Variants in MGA observed in about 807,000 individuals in gnomAD.
MGA encodes MAX gene-associated protein.
In MGA, 40 loss-of-function variants were observed where a neutral mutation model predicts 261.1. The observed-to-expected ratio is 0.15, with a 90% CI of 0.12 to 0.20. The LOEUF (loss-of-function observed/expected upper bound fraction) is 0.20, where lower values mean the gene tolerates loss of function less well. Among genes scored for constraint, MGA ranks in the 10% least tolerant of loss-of-function variants. MGA has a pLI of 1.00. For synonymous variants in MGA, 1,302 were observed against 1,290.6 expected (o/e 1.01, Z -0.19); for missense variants, 3,397 against 3,630.5 (o/e 0.94, Z 1.65).
intron 1 of MGA, among the ~76,000 whole-genome samples, chr15:41,647,684 A>G (rs983269693): frequency 6.6e-6 from 1 of 152,036 alleles, no homozygotes; most frequent in Non-Finnish European, 1.5e-5. Flanking sequence ...ATTTTACTCT[A>G]CATTTTTGGG....
chr15:41,623,832 TGG>T (rs1165603004), intron 1 of MGA, among the ~76,000 whole-genome samples: 1 of 150,668 alleles, frequency 6.6e-6, no homozygotes, highest in Non-Finnish European at 1.5e-5. Context: ...TGGAGTGCAG[TGG>T]TGCTCACCAC....
In MGA at chr15:41,652,648, T is replaced by C. The variant is rs147851968; in HGVS notation, c.-67-16180T>C. 4.4e-3 allele frequency among the ~76,000 whole-genome samples: 664 copies of C among 151,886 alleles called. 5 individuals carry two copies. Among genetic ancestry groups the C allele is most frequent in the African/African-American group, 0.015 (621 of 41,444 alleles). On this transcript the variant is annotated intron_variant, in intron 1 of 8. Coordinates refer to the MGA transcript ENST00000566718. The stretch of plus-strand genomic sequence containing the variant: ...TGGCCTACCAAAGTGCTGGGACTTA[T>C]ACCCTTTGTAGGTTTTGTATGTTTC...
intron 5 of MGA, among the ~76,000 whole-genome samples, chr15:41,700,980 A>G (rs961855877): frequency 6.6e-6 from 1 of 152,186 alleles, no homozygotes; most frequent in Non-Finnish European, 1.5e-5. Flanking sequence ...GCTTTAATGG[A>G]AGGCAGCTTG....
At chr15:41,707,287 T>G (rs745992527) in intron 5 of MGA, among the ~76,000 whole-genome samples, 2 of 152,198 alleles carry the variant, frequency 1.3e-5, no homozygotes, top group Non-Finnish European at 1.5e-5. Context: ...AAGGCTACAG[T>G]CAAAATATTG....
intron 13 of MGA, 70 bp downstream of exon 13, chr15:41,736,768 C>A (rs1595914238): frequency 7.0e-7 from 1 of 1,422,928 alleles, no homozygotes; most frequent in South Asian, 1.5e-5. Context: ...TTTTTCAGAG[C>A]CCTTTATGGT....
At chr15:41,633,352 G>GTTTTT (rs1566923971) in intron 1 of MGA, among the ~76,000 whole-genome samples, 2 of 93,988 alleles carry the variant, frequency 2.1e-5, no homozygotes, top group Non-Finnish European at 2.3e-5. Flanking sequence ...CCCTCCTATG[G>GTTTTT]TATTTTTTTT....
At chr15:41,730,802 C>A (rs2061468915) in intron 11 of MGA, among the ~76,000 whole-genome samples, 1 of 152,186 alleles carries the variant, frequency 6.6e-6, no homozygotes, top group African/African-American at 2.4e-5. Context: ...CAAAGTAAAT[C>A]CCTCCTGGTT....
intron 2 of MGA, among the ~76,000 whole-genome samples, chr15:41,678,090 ATTT>A (rs540221309): frequency 2.9e-5 from 4 of 137,634 alleles, no homozygotes; most frequent in Admixed American, 7.3e-5. Flanking sequence ...TCAATTTTGA[ATTT>A]TTTTTTTTTT....
At chr15:41,755,551 G>A (rs2063101490) in intron 18 of MGA, among the ~76,000 whole-genome samples, 1 of 152,158 alleles carries the variant, frequency 6.6e-6, no homozygotes, top group African/African-American at 2.4e-5. Context: ...AAAATGCCGT[G>A]TGAGAACATT....
chr15:41,662,673 T>C (rs997141708), intron 1 of MGA, among the ~76,000 whole-genome samples: 1 of 152,256 alleles, frequency 6.6e-6, no homozygotes. Flanking sequence ...ATTATATTTA[T>C]ATCCACATTC....
chr15:41,669,192 C>G lies in MGA; in HGVS notation c.298C>G (p.Gln100Glu). The G allele has an allele frequency of 6.2e-7, 1 of 1,613,988 alleles. No homozygotes were observed. Among genetic ancestry groups the G allele is most frequent in the Non-Finnish European group, 8.5e-7 (1 of 1,179,884 alleles). The change falls in exon 2 of 24, where the codon CAA becomes GAA. Residue 100 changes from glutamine (Q) to glutamate (E), a missense_variant. By Grantham distance (29) the Gln-to-Glu change is conservative. This residue lies in a region of MGA where 104 missense variants were observed against 212.9 expected (regional missense o/e 0.49). Coordinates refer to ENST00000219905, the MANE Select transcript of MGA (RefSeq NM_001164273.2). ...AAGCACAGAGATGATTCTGACCAAG[C>G]AAGGAAGACGCATGTTTCCTTACTG...
At chr15:41,740,910 C>T (rs940545380) in intron 14 of MGA, among the ~76,000 whole-genome samples, 9 of 152,200 alleles carry the variant, frequency 5.9e-5, no homozygotes, top group African/African-American at 1.9e-4. Context: ...TGTGTTTTAG[C>T]ATTGAGAGTA....
At chr15:41,702,682 A>G (rs1355590609) in intron 5 of MGA, among the ~76,000 whole-genome samples, 1 of 152,216 alleles carries the variant, frequency 6.6e-6, no homozygotes, top group African/African-American at 2.4e-5. Flanking sequence ...CTTAAAAATA[A>G]AATAAGATTC....
At chr15:41,764,108 G>A (rs1016202311) in intron 22 of MGA, among the ~76,000 whole-genome samples, 2 of 151,568 alleles carry the variant, frequency 1.3e-5, no homozygotes, top group African/African-American at 4.9e-5. Flanking sequence ...GCAGTGAGCT[G>A]AAATCACACC....
intron 17 of MGA, among the ~76,000 whole-genome samples, chr15:41,753,520 C>T (rs2062971898): frequency 6.6e-6 from 1 of 152,072 alleles, no homozygotes; most frequent in African/African-American, 2.4e-5. Context: ...GTGACAGGTG[C>T]TCAGTAAACA....
At chr15:41,702,626 T>C (rs1017538514) in intron 5 of MGA, among the ~76,000 whole-genome samples, 1 of 152,204 alleles carries the variant, frequency 6.6e-6, no homozygotes, top group African/African-American at 2.4e-5. Flanking sequence ...GGGAAAGCAG[T>C]GTTGATTAAG....
chr15:41,707,046 C>A (rs2060156478), intron 5 of MGA, among the ~76,000 whole-genome samples: 1 of 152,190 alleles, frequency 6.6e-6, no homozygotes, highest in East Asian at 1.9e-4. Flanking sequence ...TAGCCATAAT[C>A]AGGCCAGCAG....
intron 2 of MGA, among the ~76,000 whole-genome samples, chr15:41,688,009 C>G (rs189307099): frequency 1.5e-3 from 234 of 152,108 alleles, no homozygotes; most frequent in Non-Finnish European, 2.8e-3. Context: ...ACATATACTT[C>G]TAGGGTTGTT....
intron 1 of MGA, among the ~76,000 whole-genome samples, chr15:41,636,667 A>C (rs1450314374): frequency 6.6e-6 from 1 of 151,926 alleles, no homozygotes; most frequent in Non-Finnish European, 1.5e-5. Context: ...TGTCCTCCTC[A>C]ACCTCCCAAA....
Sources: allele counts gnomAD v4.1 joint callset (sites outside exome capture counted in the v4.1 genomes callset), GRCh38; gene constraint gnomAD v4.1.1; regional missense constraint gnomAD v4.1.1; transcripts MANE v1.5; gene names NCBI Gene and HGNC (gene_info 2026-07-23, HGNC 2026-07-21).